STXBP5L: variants seen among roughly 807,000 people sequenced by gnomAD.
The protein encoded by STXBP5L is syntaxin binding protein 5L, also known as syntaxin-binding protein 5-like.
A neutral mutation model predicts 144.5 loss-of-function variants in STXBP5L; 65 were observed. The ratio of observed to expected loss-of-function variants is 0.45; its 90% CI spans 0.37 to 0.55. The LOEUF is 0.55. Among genes scored for constraint, STXBP5L ranks in the 20% least tolerant of loss-of-function variants. The pLI is 0.00. For missense variants in STXBP5L, 1,298 were observed against 1,405.5 expected (o/e 0.92, Z 1.22); for synonymous variants, 505 against 469.6 (o/e 1.08, Z -0.97).
intron 2 of STXBP5L, among the ~76,000 whole-genome samples, chr3:120,911,794 A>G (rs1039083523): frequency 6.6e-6 from 1 of 152,034 alleles, no homozygotes; most frequent in Non-Finnish European, 1.5e-5. Context: ...GAATATAGTT[A>G]ATTTTAAAAA....
rs368510948 is a variant in STXBP5L at position 121,125,242 on chromosome 3, G to A, written c.669+3538G>A. Among the ~76,000 whole-genome samples, 14 of 152,214 alleles carry A rather than the reference G, an allele frequency of 9.2e-5. No homozygotes were observed. The East Asian group carries it at 1.6e-3, about 17-fold the overall frequency. On this transcript the variant is annotated intron_variant, in intron 7 of 26. Transcript: ENST00000471454. ...CCAGCACTTTGGGAGGACGAGGTGG[G>A]TGGATCACCTGAGGTCAGGAGTTCA...
chr3:121,380,131 C>T lies in STXBP5L; in HGVS notation c.2348-1162C>T, dbSNP rs1275736170. ...CAGCCAGAAGTAGCACTCTCAATCA[C>T]TGTAATGAGAGGTGGGAATTTTGAA... On this transcript the variant is annotated intron_variant, in intron 21 of 26. Transcript: ENST00000471454. Among the ~76,000 whole-genome samples the T allele has an allele frequency of 7.2e-5, 11 of 152,126 alleles. 1 individual carries two copies. The highest frequency in any genetic ancestry group is 4.6e-4 in the Admixed American group (7 of 15,256).
intron 14 of STXBP5L, among the ~76,000 whole-genome samples, chr3:121,247,656 CTT>C (rs577530903): frequency 6.6e-6 from 1 of 152,124 alleles, no homozygotes; most frequent in Non-Finnish European, 1.5e-5. Context: ...TGATTTCACT[CTT>C]TTTTTATGGC....
At chr3:120,978,056 G>C (rs1050413452) in intron 3 of STXBP5L, among the ~76,000 whole-genome samples, 3 of 152,118 alleles carry the variant, frequency 2.0e-5, no homozygotes, top group Admixed American at 6.5e-5. Flanking sequence ...GATCTTTGTG[G>C]CATTCTCTGT....
At chr3:121,210,923 TG>T (rs1337192075) in intron 10 of STXBP5L, among the ~76,000 whole-genome samples, 2 of 152,238 alleles carry the variant, frequency 1.3e-5, no homozygotes, top group East Asian at 3.8e-4. Context: ...GGACCTTTTT[TG>T]GTTCCATATG....
At chr3:121,328,414 T>G (rs1405292100) in intron 20 of STXBP5L, among the ~76,000 whole-genome samples, 1 of 152,172 alleles carries the variant, frequency 6.6e-6, no homozygotes, top group Non-Finnish European at 1.5e-5. Flanking sequence ...GGGCAGATGG[T>G]TGAGTCATGA....
At chr3:120,959,058 C>G (rs1285368329) in intron 3 of STXBP5L, among the ~76,000 whole-genome samples, 1 of 152,170 alleles carries the variant, frequency 6.6e-6, no homozygotes, top group Non-Finnish European at 1.5e-5. Context: ...TCAGCAAAGT[C>G]TCAGGATACA....
At chr3:121,107,711 A>G (rs2043780045) in intron 5 of STXBP5L, among the ~76,000 whole-genome samples, 1 of 150,702 alleles carries the variant, frequency 6.6e-6, no homozygotes, top group Non-Finnish European at 1.5e-5. Flanking sequence ...TTTTGGCTCC[A>G]TATGAATTTT....
chr3:121,027,509 C>T (rs950687431), intron 3 of STXBP5L, among the ~76,000 whole-genome samples: 12 of 151,998 alleles, frequency 7.9e-5, no homozygotes, highest in Admixed American at 7.2e-4. Flanking sequence ...AATTTGTTTT[C>T]CTTCCTTTTT....
chr3:121,095,600 C>G (rs2043077331), intron 5 of STXBP5L, among the ~76,000 whole-genome samples: 1 of 152,186 alleles, frequency 6.6e-6, no homozygotes, highest in Non-Finnish European at 1.5e-5. Context: ...CTTGTGCATT[C>G]ATCATATAGT....
intron 3 of STXBP5L, among the ~76,000 whole-genome samples, chr3:121,011,652 A>T (rs999079253): frequency 1.3e-5 from 2 of 151,716 alleles, no homozygotes; most frequent in African/African-American, 4.8e-5. Context: ...ACTCCTGGTA[A>T]TATTCACTTT....
intron 3 of STXBP5L, among the ~76,000 whole-genome samples, chr3:120,967,852 C>T (rs572034878): frequency 9.9e-5 from 15 of 152,212 alleles, no homozygotes; most frequent in African/African-American, 2.9e-4. Flanking sequence ...TAAACTTCTT[C>T]ATTAAACCAT....
chr3:121,212,632 T>C (rs1418501609), intron 10 of STXBP5L, among the ~76,000 whole-genome samples: 1 of 152,224 alleles, frequency 6.6e-6, no homozygotes, highest in Non-Finnish European at 1.5e-5. Context: ...CAGTATAGTT[T>C]GAAGTCAGGT....
intron 9 of STXBP5L, among the ~76,000 whole-genome samples, chr3:121,183,703 G>A (rs75524658): frequency 0.019 from 2,932 of 152,074 alleles, 102 homozygotes; most frequent in African/African-American, 0.067. Context: ...GAAGGGCAAG[G>A]AAACGAAAGC....
intron 3 of STXBP5L, among the ~76,000 whole-genome samples, chr3:120,981,918 G>T (rs1941814821): frequency 6.6e-6 from 1 of 152,122 alleles, no homozygotes; most frequent in Non-Finnish European, 1.5e-5. Flanking sequence ...GGTGCTTTCA[G>T]GTATCAAGGT....
intron 9 of STXBP5L, among the ~76,000 whole-genome samples, chr3:121,180,934 AAAG>A (rs1479759452): frequency 3.3e-5 from 5 of 151,698 alleles, no homozygotes; most frequent in African/African-American, 4.8e-5. Flanking sequence ...GAGAAAGAGA[AAAG>A]AAGAGAAGAG....
chr3:121,050,704 A>G (rs1304429301), intron 5 of STXBP5L, among the ~76,000 whole-genome samples: 1 of 152,248 alleles, frequency 6.6e-6, no homozygotes, highest in African/African-American at 2.4e-5. Flanking sequence ...AGCTAACATC[A>G]TAATGACAGG....
chr3:121,413,158 C>A lies in STXBP5L; in HGVS notation c.2949C>A (p.Ser983Arg), dbSNP rs775603485. Residue 983 changes from serine (S) to arginine (R), a missense_variant and splice_region_variant, in exon 24 of 27, where the codon AGC becomes AGA. Coordinates refer to ENST00000471454, the MANE Select transcript of STXBP5L (RefSeq NM_001308330.2). ...TATGGATTTACTTTTTTCCATTCAG[C>A]CTACCTAGTCTTCGCCCAATGTTGG... The part of the protein sequence containing the change: ...FCANGHIMIM[S>R]LPSLRPMLDV... 6.3e-7 allele frequency: 1 copy of A among 1,581,952 alleles called. No homozygotes were observed. Among genetic ancestry groups the A allele is most frequent in the Admixed American group, 1.9e-5 (1 of 53,464 alleles).
At chr3:121,287,592 A>C (rs1411821548) in intron 19 of STXBP5L, among the ~76,000 whole-genome samples, 3 of 151,920 alleles carry the variant, frequency 2.0e-5, no homozygotes, top group Admixed American at 2.0e-4. Context: ...GCACTTTGGG[A>C]GGCTGAGGTG....
Sources: gnomAD v4.1 joint callset for allele counts (sites outside exome capture counted in the v4.1 genomes callset) on GRCh38, gnomAD v4.1.1 for gene constraint, MANE v1.5 for transcripts, NCBI Gene and HGNC (gene_info 2026-07-23, HGNC 2026-07-21) for gene names.